The following OXR1 variants were observed in gnomAD, a reference collection of about 807,000 sequenced individuals.
The protein encoded by OXR1 is oxidation resistance 1.
A neutral mutation model predicts 104.6 loss-of-function variants in OXR1; 41 were observed. The observed-to-expected ratio is 0.39, with a 90% CI of 0.31 to 0.51. OXR1 has a LOEUF of 0.51. OXR1 is among the 20% of genes least tolerant of loss of function. OXR1 has a pLI of 0.77. For missense variants in OXR1, 955 were observed against 1,031.9 expected, an observed-to-expected ratio of 0.93 and a Z score of 1.02; for synonymous variants, 348 against 348.4, an observed-to-expected ratio of 1.00 and a Z score of 0.01.
chr8:106,543,828 G>A (rs1563593825), intron 3 of OXR1, among the ~76,000 whole-genome samples: 1 of 152,100 alleles, frequency 6.6e-6, no homozygotes, highest in African/African-American at 2.4e-5. Flanking sequence ...ACCTCCCATT[G>A]CCATCCAGCC....
At chr8:106,571,489 G>A (rs1817467143) in intron 3 of OXR1, among the ~76,000 whole-genome samples, 1 of 151,968 alleles carries the variant, frequency 6.6e-6, no homozygotes, top group African/African-American at 2.4e-5. Flanking sequence ...TGGGAGCTAG[G>A]GCTTCAACAT....
chr8:106,601,963 A>C (rs1418066466), intron 3 of OXR1, among the ~76,000 whole-genome samples: 1 of 152,176 alleles, frequency 6.6e-6, no homozygotes, highest in Non-Finnish European at 1.5e-5. Flanking sequence ...GTTGGCTTAA[A>C]GAAAATTGCT....
chr8:106,532,993 A>C (rs1156278143), intron 3 of OXR1, among the ~76,000 whole-genome samples: 2 of 152,216 alleles, frequency 1.3e-5, no homozygotes, highest in Non-Finnish European at 2.9e-5. Flanking sequence ...TTCTTCATTC[A>C]TATTTCCTTA....
chr8:106,704,363 C>CTTTCTT (rs1032067008), intron 8 of OXR1, among the ~76,000 whole-genome samples: 1 of 88,854 alleles, frequency 1.1e-5, no homozygotes, highest in East Asian at 3.2e-4. Flanking sequence ...TCCTCCTTTT[C>CTTTCTT]TTTCTTTTTC....
intron 2 of OXR1, among the ~76,000 whole-genome samples, chr8:106,397,407 T>C (rs1268609851): frequency 6.6e-6 from 1 of 152,038 alleles, no homozygotes; most frequent in Non-Finnish European, 1.5e-5. Context: ...CTGAATAAAC[T>C]TTTCTATCTT....
chr8:106,339,516 AAAAATATATATATAT>A lies in OXR1; in HGVS notation c.-138-19958_-138-19944del, dbSNP rs1815126305. ...CCAAAAAAAAAAAAAAAAAAAAAAA[AAAAATATATATATAT>A]ATATATATATATATATATATATATA... On this transcript the variant is annotated intron_variant, in intron 1 of 16. Transcript: ENST00000517566. Among the ~76,000 whole-genome samples the A allele has an allele frequency of 8.9e-5, 3 of 33,772 alleles. 1 individual carries two copies. The highest frequency in any genetic ancestry group is 5.1e-4 in the African/African-American group (3 of 5,912). The allele number at this position is 33,772 out of a possible 152,430, so 22.2% of individuals were successfully genotyped here.
chr8:106,739,726 A>G (rs1834755627), intron 13 of OXR1, 143 bp downstream of exon 13: 1 of 696,908 alleles, frequency 1.4e-6, no homozygotes, highest in Non-Finnish European at 2.3e-6. Flanking sequence ...TAAGCAAAAC[A>G]TAGCAACTAG....
intron 1 of OXR1, among the ~76,000 whole-genome samples, chr8:106,354,411 T>C (rs1458255295): frequency 1.3e-5 from 2 of 152,190 alleles, no homozygotes; most frequent in African/African-American, 4.8e-5. Context: ...TTAGCTCTTG[T>C]AGTGCCCTGA....
chr8:106,298,351 GC>G (rs1394595361), intron 1 of OXR1, among the ~76,000 whole-genome samples: 1 of 152,170 alleles, frequency 6.6e-6, no homozygotes, highest in African/African-American at 2.4e-5. Flanking sequence ...GAGAACGTGT[GC>G]CGGGGAACTG....
At chr8:106,355,262 CAT>C (rs1815914864) in intron 1 of OXR1, among the ~76,000 whole-genome samples, 2 of 152,082 alleles carry the variant, frequency 1.3e-5, no homozygotes, top group South Asian at 4.1e-4. Context: ...GCTATGAATT[CAT>C]ATGTAAGTGT....
chr8:106,679,362 A>G (rs997143960), intron 4 of OXR1, 70 bp downstream of exon 4: 29 of 693,532 alleles, frequency 4.2e-5, no homozygotes, highest in Middle Eastern at 2.9e-4. Flanking sequence ...CTCTGTTTAT[A>G]CTATAAATAA....
chr8:106,439,122 T>C (rs990484620), intron 2 of OXR1, among the ~76,000 whole-genome samples: 1 of 152,106 alleles, frequency 6.6e-6, no homozygotes, highest in Non-Finnish European at 1.5e-5. Context: ...AATTTCTGCG[T>C]CTCTTTAAAA....
chr8:106,304,742 T>G (rs895519188), intron 1 of OXR1, among the ~76,000 whole-genome samples: 1 of 152,168 alleles, frequency 6.6e-6, no homozygotes, highest in Non-Finnish European at 1.5e-5. Flanking sequence ...TTTTAAGGGC[T>G]CAGTAGCCAC....
intron 1 of OXR1, among the ~76,000 whole-genome samples, chr8:106,304,255 CAT>C (rs1201200378): frequency 6.6e-6 from 1 of 152,068 alleles, no homozygotes; most frequent in Admixed American, 6.6e-5. Context: ...TGCTTGAAGA[CAT>C]ATTTTCTTGG....
intron 2 of OXR1, among the ~76,000 whole-genome samples, chr8:106,454,266 G>T (rs562214152): frequency 1.3e-5 from 2 of 152,044 alleles, no homozygotes; most frequent in Non-Finnish European, 2.9e-5. Context: ...TTTGAGACCA[G>T]CCTGGGCAAC....
chr8:106,749,968 G>T (rs989329001), intron 16 of OXR1, among the ~76,000 whole-genome samples: 3 of 151,608 alleles, frequency 2.0e-5, no homozygotes, highest in Non-Finnish European at 4.4e-5. Flanking sequence ...TCACATATTT[G>T]TCCATTTAAA....
intron 2 of OXR1, among the ~76,000 whole-genome samples, chr8:106,476,281 A>C (rs1821806456): frequency 6.6e-6 from 1 of 151,874 alleles, no homozygotes; most frequent in Non-Finnish European, 1.5e-5. Context: ...CCGATACCAA[A>C]AGAACTTTTA....
chr8:106,406,121 A>G (rs13439192), intron 2 of OXR1, among the ~76,000 whole-genome samples: 8,519 of 152,046 alleles, frequency 0.056, 848 homozygotes, highest in African/African-American at 0.19. Context: ...TCTTACCCCG[A>G]CCTAATCTTG....
At chr8:106,688,263 T>C (rs1367544501) in intron 6 of OXR1, among the ~76,000 whole-genome samples, 2 of 152,120 alleles carry the variant, frequency 1.3e-5, no homozygotes, top group African/African-American at 4.8e-5. Context: ...TACTTATGTT[T>C]ATATTAATAT....
Sources: allele counts gnomAD v4.1 joint callset (sites outside exome capture counted in the v4.1 genomes callset), GRCh38; gene constraint gnomAD v4.1.1; transcripts MANE v1.5; gene names NCBI Gene and HGNC (gene_info 2026-07-23, HGNC 2026-07-21).